Variants in SBF2 observed in about 807,000 individuals in gnomAD.
The protein encoded by SBF2 is SET binding factor 2.
A neutral mutation model predicts 225.2 loss-of-function variants in SBF2; 112 were observed. The observed-to-expected ratio is 0.50, with a 90% confidence interval of 0.43 to 0.58. The LOEUF is 0.58. Ranked by LOEUF, SBF2 falls within the 20% of genes least tolerant of loss-of-function variation. The pLI, the probability that SBF2 is intolerant of heterozygous loss-of-function variation, is 0.00. For synonymous variants in SBF2, 763 were observed against 773.3 expected (o/e 0.99, Z 0.22); for missense variants, 1,996 against 2,206.2 (o/e 0.90, Z 1.91).
chr11:9,983,824 G>C (rs1947069150), intron 13 of SBF2, among the ~76,000 whole-genome samples: 1 of 152,196 alleles, frequency 6.6e-6, no homozygotes, highest in Non-Finnish European at 1.5e-5. Flanking sequence ...ATCCAGGAGA[G>C]ACAACAATCA....
At chr11:10,196,866 A>ATATATATATATATATATATTTTTTTTTT in intron 1 of SBF2, among the ~76,000 whole-genome samples, 10 of 99,290 alleles carry the variant, frequency 1.0e-4, no homozygotes, top group South Asian at 3.5e-4. Flanking sequence ...ATATATATAT[A>ATATATATATATATATATATTTTTTTTTT]TTTTTTTTTT....
chr11:9,949,711 C>CT (rs898091044), intron 16 of SBF2, among the ~76,000 whole-genome samples: 6 of 151,674 alleles, frequency 4.0e-5, no homozygotes, highest in African/African-American at 9.7e-5. Context: ...GAAAAAGGGG[C>CT]TTTTTTTTCC....
chr11:10,055,633 T>C (rs1413171987), intron 2 of SBF2, among the ~76,000 whole-genome samples: 1 of 151,708 alleles, frequency 6.6e-6, no homozygotes, highest in African/African-American at 2.4e-5. Context: ...CAACTTGGAT[T>C]AAACTGGAGG....
intron 17 of SBF2, among the ~76,000 whole-genome samples, chr11:9,874,190 T>C (rs566183267): frequency 6.6e-6 from 1 of 152,264 alleles, no homozygotes; most frequent in African/African-American, 2.4e-5. Context: ...AAAACATAAT[T>C]AGGAAGCTCT....
chr11:9,962,372 T>A (rs7110027), intron 15 of SBF2, among the ~76,000 whole-genome samples: 1 of 152,108 alleles, frequency 6.6e-6, no homozygotes, highest in Non-Finnish European at 1.5e-5. Context: ...TTCTTCAAGT[T>A]AACAAAACTT....
At chr11:10,226,195 T>C (rs2197171) in intron 1 of SBF2, among the ~76,000 whole-genome samples, 32,591 of 152,162 alleles carry the variant, frequency 0.21, 4,182 homozygotes, top group Non-Finnish European at 0.3. Flanking sequence ...AAAAGTAGCA[T>C]TTATCTTTAT....
intron 2 of SBF2, among the ~76,000 whole-genome samples, chr11:10,134,757 G>A (rs373985665): frequency 1.3e-4 from 20 of 152,132 alleles, no homozygotes; most frequent in South Asian, 2.1e-4. Flanking sequence ...GGGCAGCTCC[G>A]CCCCTGTGGC....
intron 7 of SBF2, among the ~76,000 whole-genome samples, chr11:10,001,312 T>C (rs985298005): frequency 6.6e-6 from 1 of 152,114 alleles, no homozygotes; most frequent in African/African-American, 2.4e-5. Context: ...TGAAAGCATT[T>C]TTCCTTACAT....
At chr11:10,244,758 C>T (rs1017888984) in intron 1 of SBF2, among the ~76,000 whole-genome samples, 3 of 152,050 alleles carry the variant, frequency 2.0e-5, no homozygotes, top group African/African-American at 7.2e-5. Flanking sequence ...AGAGAAAATA[C>T]CTGCAAACTA....
rs552372165 is a variant in SBF2 at position 10,294,215 on chromosome 11, G to C, written c.-146C>G. 2.1e-5 allele frequency: 12 copies of C among 559,866 alleles called. No individual in the cohort carries two copies. The Admixed American group carries it at 5.0e-4, about 23-fold the overall frequency. 34.7% of individuals were successfully genotyped at this position (559,866 alleles called of 1,614,324 possible). On this transcript the variant is annotated 5_prime_UTR_variant, in exon 1 of 40. Transcript: ENST00000256190. ...CAGCCATGTTTGACAACCGAGGCGC[G>C]CTCTGCGCTTGCGCGGCGCCTAGTG...
At chr11:9,908,641 T>G (rs1208153092) in intron 16 of SBF2, among the ~76,000 whole-genome samples, 2 of 150,440 alleles carry the variant, frequency 1.3e-5, no homozygotes, top group African/African-American at 4.9e-5. Context: ...AAAAAAAGTC[T>G]TATCTTTATT....
chr11:10,076,418 C>G (rs939090987), intron 2 of SBF2, among the ~76,000 whole-genome samples: 1 of 152,202 alleles, frequency 6.6e-6, no homozygotes, highest in Non-Finnish European at 1.5e-5. Flanking sequence ...AATCCAGTCT[C>G]TAGTGGGACA....
chr11:9,913,548 T>A (rs1185109657), intron 16 of SBF2, among the ~76,000 whole-genome samples: 1 of 152,016 alleles, frequency 6.6e-6, no homozygotes, highest in East Asian at 1.9e-4. Context: ...GCAATTCCAT[T>A]CCTAGGTATA....
At chr11:9,975,276 A>G (rs1357200468) in intron 13 of SBF2, among the ~76,000 whole-genome samples, 1 of 152,216 alleles carries the variant, frequency 6.6e-6, no homozygotes, top group African/African-American at 2.4e-5. Flanking sequence ...ACAGGTAAAT[A>G]AAACTTTAGT....
chr11:9,851,071 G>A (rs1481623822), intron 21 of SBF2, among the ~76,000 whole-genome samples: 1 of 148,268 alleles, frequency 6.7e-6, no homozygotes, highest in African/African-American at 2.4e-5. Context: ...GGGAGGGGGA[G>A]GTTGCAGTGA....
intron 2 of SBF2, among the ~76,000 whole-genome samples, chr11:10,167,926 G>A (rs566882786): frequency 1.1e-3 from 175 of 152,356 alleles, no homozygotes; most frequent in Non-Finnish European, 2.1e-3. Context: ...GCTGAGGCAG[G>A]AGAATCACTT....
chr11:10,211,322 T>C (rs1256007758), intron 1 of SBF2, among the ~76,000 whole-genome samples: 1 of 152,102 alleles, frequency 6.6e-6, no homozygotes, highest in African/African-American at 2.4e-5. Flanking sequence ...GATTGTTGAG[T>C]CAAGAGGTTG....
chr11:9,967,371 C>CAAAAA (rs35271700), intron 14 of SBF2, among the ~76,000 whole-genome samples: 2 of 103,784 alleles, frequency 1.9e-5, no homozygotes, highest in African/African-American at 4.0e-5. Context: ...GACTCCGTCT[C>CAAAAA]AAAAAAAAAA....
At chr11:10,226,047 T>A (rs1011419068) in intron 1 of SBF2, among the ~76,000 whole-genome samples, 1 of 152,142 alleles carries the variant, frequency 6.6e-6, no homozygotes, top group Non-Finnish European at 1.5e-5. Context: ...CTGAAAACAC[T>A]GAAAAAATTT....
Sources: gnomAD v4.1 joint callset for allele counts (sites outside exome capture counted in the v4.1 genomes callset) on GRCh38, gnomAD v4.1.1 for gene constraint, MANE v1.5 for transcripts, NCBI Gene and HGNC (gene_info 2026-07-23, HGNC 2026-07-21) for gene names.